The following BCL11B variants were observed in gnomAD, a reference collection of about 807,000 sequenced individuals.
BCL11B encodes B-cell lymphoma/leukemia 11B.
BCL11B carries 8 observed loss-of-function variants against 49.9 expected under a neutral mutation model. That is an observed-to-expected ratio of 0.16 (90% CI 0.09 to 0.29). BCL11B has a LOEUF of 0.29. BCL11B is among the 10% of genes least tolerant of loss of function. The probability of loss-of-function intolerance (pLI) is 1.00; values close to 1 mark genes in which losing one functional copy is unlikely to be tolerated. For synonymous variants in BCL11B, 739 were observed against 637.4 expected (o/e 1.16, Z -2.40); for missense variants, 1,006 against 1,351.0 (o/e 0.74, Z 4.00).
In BCL11B at chr14:99,231,698, C is replaced by T. The variant is rs1888341938; in HGVS notation, c.428-141G>A. On this transcript the variant is annotated intron_variant, in intron 2 of 3. Coordinates refer to ENST00000357195, the MANE Select transcript of BCL11B (RefSeq NM_138576.4). This position sits in a 1 kb window ranked among gnomAD's most constrained non-coding sequence, Gnocchi z 8.1. ...GAGGCCCCCGGGGTGCCAGGCCCTGCAGGGAAGGCAATCGGGACACAGGCG... is the reference window on the plus strand; with the variant it reads ...GAGGCCCCCGGGGTGCCAGGCCCTGTAGGGAAGGCAATCGGGACACAGGCG... The T allele has an allele frequency of 6.0e-6, 5 of 832,802 alleles. No homozygotes were observed. The highest frequency in any genetic ancestry group is 7.4e-6 in the Non-Finnish European group (4 of 539,116). 51.6% of individuals were successfully genotyped at this position (832,802 alleles called of 1,614,324 possible).
At chr14:99,196,265 AG>A (rs1317790711) in intron 3 of BCL11B, among the ~76,000 whole-genome samples, 3 of 152,144 alleles carry the variant, frequency 2.0e-5, no homozygotes, top group Non-Finnish European at 4.4e-5. Flanking sequence ...CCAGGCAACC[AG>A]GGGAGGAAAG....
chr14:99,256,763 G>A (rs549658200), intron 2 of BCL11B, among the ~76,000 whole-genome samples: 2 of 152,184 alleles, frequency 1.3e-5, no homozygotes, highest in Non-Finnish European at 2.9e-5. Context: ...AGCTGTCCCA[G>A]TGGTCAAATG....
In BCL11B at chr14:99,213,248, G is replaced by A. The variant is rs192555822; in HGVS notation, c.640+18097C>T. On this transcript the variant is annotated intron_variant, in intron 3 of 3. Transcript: ENST00000357195. The surrounding 1 kb of genome is among the most constrained non-coding windows in gnomAD (Gnocchi z 5.1). ...AGAAGGGAGCCCCGGAGGCTCGGCC[G>A]ACCTGGGTGTGCCAGCACAAAAGAG... Among the ~76,000 whole-genome samples, 208 of 152,290 alleles carry A rather than the reference G, an allele frequency of 1.4e-3. No homozygotes were observed. The highest frequency in any genetic ancestry group is 2.5e-3 in the Non-Finnish European group (167 of 68,026).
chr14:99,214,494 GC>G (rs1663677150), intron 3 of BCL11B, among the ~76,000 whole-genome samples: 1 of 151,542 alleles, frequency 6.6e-6, no homozygotes, highest in African/African-American at 2.4e-5. Context: ...GAAGGTTGAG[GC>G]TGCTGTGAGC....
chr14:99,170,572 A>G lies in BCL11B; in HGVS notation c.*3579T>C, dbSNP rs780581925. 50 of 232,112 alleles carry G rather than the reference A, an allele frequency of 2.2e-4. No homozygotes were observed. The highest frequency in any genetic ancestry group is 3.9e-4 in the Non-Finnish European group (46 of 117,214). The allele number at this position is 232,112 out of a possible 1,614,324, so 14.4% of individuals were successfully genotyped here. A position where few individuals can be genotyped will look rare whatever the true frequency, so the allele number is the denominator to read the frequency against. Reference sequence around the variant, plus strand: ...AAGAAAAGAAATTAAATAAAAAATGAAAGAAAAAAAAAGGACCAATGGAGG... The same window carrying G: ...AAGAAAAGAAATTAAATAAAAAATGGAAGAAAAAAAAAGGACCAATGGAGG... On this transcript the variant is annotated 3_prime_UTR_variant, in exon 4 of 4. Transcript: ENST00000357195.
chr14:99,186,381 A>G (rs562839528), intron 3 of BCL11B, among the ~76,000 whole-genome samples: 24 of 152,350 alleles, frequency 1.6e-4, no homozygotes, highest in African/African-American at 5.5e-4. Flanking sequence ...ATTAGCCAGC[A>G]TGGTGGCAGG....
intron 1 of BCL11B, among the ~76,000 whole-genome samples, chr14:99,261,039 T>C (rs1239495820): frequency 1.3e-5 from 2 of 152,156 alleles, no homozygotes; most frequent in Non-Finnish European, 2.9e-5. Context: ...GATGACAGGG[T>C]GTTCACCCGA....
chr14:99,271,339 C>A lies in BCL11B; in HGVS notation c.-121G>T. 4.8e-6 allele frequency: 2 copies of A among 419,634 alleles called. No homozygotes were observed. The highest frequency in any genetic ancestry group is 9.0e-5 in the South Asian group (1 of 11,078). 26.0% of individuals were successfully genotyped at this position (419,634 alleles called of 1,614,324 possible). On this transcript the variant is annotated 5_prime_UTR_variant, in exon 1 of 4. Coordinates refer to ENST00000357195, the MANE Select transcript of BCL11B (RefSeq NM_138576.4). The stretch of plus-strand genomic sequence containing the variant: ...TGCCGCCGCCGCCGCCGCCGCCGCA[C>A]CTCCTCCTCTGCCCGGGTTGGTGTT...
chr14:99,242,213 G>A lies in BCL11B; in HGVS notation c.428-10656C>T, dbSNP rs1393734622. 1.3e-5 allele frequency among the ~76,000 whole-genome samples: 2 copies of A among 152,188 alleles called. No individual in the cohort carries two copies. The highest frequency in any genetic ancestry group is 4.8e-5 in the African/African-American group (2 of 41,448). ...AGCACTAATCTGCTGGTTAATTAACGAGCTGCCACTAACAAAAGATGGAAG... is the reference window on the plus strand; with the variant it reads ...AGCACTAATCTGCTGGTTAATTAACAAGCTGCCACTAACAAAAGATGGAAG... On this transcript the variant is annotated intron_variant, in intron 2 of 3. Transcript: ENST00000357195. The surrounding 1 kb of genome is among the most constrained non-coding windows in gnomAD (Gnocchi z 4.4).
At position 99,242,342 on chromosome 14, in the gene BCL11B, G is replaced by A. The variant is rs1439204633; in HGVS notation, c.428-10785C>T. Among the ~76,000 whole-genome samples the A allele has an allele frequency of 1.3e-5, 2 of 152,288 alleles. No individual in the cohort carries two copies. Among genetic ancestry groups the A allele is most frequent in the African/African-American group, 2.4e-5 (1 of 41,564 alleles). ...ATGTGGGCTGGGTACAGCGACAGGC[G>A]GAGAGGCCCGTCAGGTTGGGAGGGT... On this transcript the variant is annotated intron_variant, in intron 2 of 3. Transcript: ENST00000357195. The surrounding 1 kb of genome is among the most constrained non-coding windows in gnomAD (Gnocchi z 4.4).
chr14:99,176,047 G>A lies in BCL11B; in HGVS notation c.789C>T (p.Leu263=). The A allele has an allele frequency of 6.3e-7, 1 of 1,593,442 alleles. No individual in the cohort carries two copies. The highest frequency in any genetic ancestry group is 2.3e-5 in the East Asian group (1 of 43,688). The change falls in exon 4 of 4, where the codon CTC becomes CTT. Residue 263 remains leucine (L), a synonymous_variant. Transcript: ENST00000357195. ...CCGGCCCGAGCGGCGGCGGGATGGT[G>A]AGCCGCGGCGTGAGCGAGCTGCTGG... ...GPASSSLTPR[L]TIPPPLGPEA...
intron 2 of BCL11B, among the ~76,000 whole-genome samples, chr14:99,233,674 A>G (rs1888402989): frequency 1.3e-5 from 2 of 152,302 alleles, no homozygotes; most frequent in South Asian, 4.1e-4. Context: ...GCAGGTAGAA[A>G]ACAGGCATCT....
intron 3 of BCL11B, among the ~76,000 whole-genome samples, chr14:99,209,118 C>T (rs932932852): frequency 1.3e-5 from 2 of 152,164 alleles, no homozygotes; most frequent in Non-Finnish European, 2.9e-5. Context: ...CCCTCTCTGC[C>T]ACTCTAGAGC....
chr14:99,208,989 C>T (rs1358786357), intron 3 of BCL11B, among the ~76,000 whole-genome samples: 7 of 152,180 alleles, frequency 4.6e-5, no homozygotes, highest in African/African-American at 1.7e-4. Flanking sequence ...CAGGACACCT[C>T]CCGGGAAGCA....
At chr14:99,235,129 A>G (rs1888457089) in intron 2 of BCL11B, among the ~76,000 whole-genome samples, 1 of 152,168 alleles carries the variant, frequency 6.6e-6, no homozygotes, top group Non-Finnish European at 1.5e-5. Flanking sequence ...TCCGGGTTTC[A>G]GGGGGAATTC....
At chr14:99,230,812 C>G (rs1055296278) in intron 3 of BCL11B, among the ~76,000 whole-genome samples, 3 of 152,062 alleles carry the variant, frequency 2.0e-5, no homozygotes, top group African/African-American at 7.2e-5. Context: ...GTTTCACTCC[C>G]TCTCGTGGCC....
At position 99,171,963 on chromosome 14, in the gene BCL11B, C is replaced by G. The variant is rs891693820; in HGVS notation, c.*2188G>C. 1.0e-5 allele frequency: 2 copies of G among 199,580 alleles called. No homozygotes were observed. Among genetic ancestry groups the G allele is most frequent in the Admixed American group, 1.2e-4 (2 of 16,550 alleles). The allele number at this position is 199,580 out of a possible 1,614,324, so 12.4% of individuals were successfully genotyped here. Reference sequence around the variant, plus strand: ...GAAATTTTAATATATATAATATATACTAAAACCCCGTCACCAAAAGAAAAC... The same window carrying G: ...GAAATTTTAATATATATAATATATAGTAAAACCCCGTCACCAAAAGAAAAC... On this transcript the variant is annotated 3_prime_UTR_variant, in exon 4 of 4. Coordinates refer to ENST00000357195, the MANE Select transcript of BCL11B (RefSeq NM_138576.4).
chr14:99,229,951 C>T (rs1888280986), intron 3 of BCL11B, among the ~76,000 whole-genome samples: 1 of 152,140 alleles, frequency 6.6e-6, no homozygotes, highest in Non-Finnish European at 1.5e-5. Flanking sequence ...CCAGCACAGC[C>T]CAGAAAAGGG....
chr14:99,176,717 C>T (rs1886546392), intron 3 of BCL11B, among the ~76,000 whole-genome samples: 1 of 152,130 alleles, frequency 6.6e-6, no homozygotes, highest in Admixed American at 6.5e-5. Flanking sequence ...TGTTTAGCAA[C>T]ATCCTCTGCC....
Sources: allele counts gnomAD v4.1 joint callset (sites outside exome capture counted in the v4.1 genomes callset), GRCh38; gene constraint gnomAD v4.1.1; non-coding constraint Gnocchi (gnomAD v3.1); transcripts MANE v1.5; gene names NCBI Gene and HGNC (gene_info 2026-07-23, HGNC 2026-07-21).